Variants in DROSHA observed in about 807,000 individuals in gnomAD.
DROSHA encodes the protein drosha ribonuclease III.
A neutral mutation model predicts 181.9 loss-of-function variants in DROSHA; 56 were observed. The observed-to-expected ratio is 0.31, with a 90% CI of 0.25 to 0.38. DROSHA has a LOEUF of 0.38. Ranked by LOEUF, DROSHA falls within the 10% of genes least tolerant of loss-of-function variation. The pLI, the probability that DROSHA is intolerant of heterozygous loss-of-function variation, is 1.00. For missense variants in DROSHA, 1,218 were observed against 1,743.5 expected (o/e 0.70, Z 5.37); for synonymous variants, 524 against 591.2 (o/e 0.89, Z 1.65).
intron 5 of DROSHA, among the ~76,000 whole-genome samples, chr5:31,525,031 C>T (rs1334060587): frequency 1.3e-5 from 2 of 151,732 alleles, no homozygotes; most frequent in South Asian, 2.1e-4. Context: ...CCCGTCTCTA[C>T]TAAAAATACA....
intron 12 of DROSHA, among the ~76,000 whole-genome samples, 172 bp downstream of exon 12, chr5:31,495,114 T>A (rs974402915): frequency 1.3e-5 from 2 of 152,124 alleles, no homozygotes; most frequent in Non-Finnish European, 2.9e-5. Flanking sequence ...AGCAGTATAG[T>A]GAAGAGGAAG....
intron 5 of DROSHA, among the ~76,000 whole-genome samples, chr5:31,525,785 T>A (rs1740471532): frequency 6.6e-6 from 1 of 152,204 alleles, no homozygotes; most frequent in South Asian, 2.1e-4. Context: ...AGATCTTTCA[T>A]CTCATGGGAT....
intron 16 of DROSHA, among the ~76,000 whole-genome samples, chr5:31,472,763 A>C (rs1057328036): frequency 6.6e-6 from 1 of 152,230 alleles, no homozygotes; most frequent in Non-Finnish European, 1.5e-5. Context: ...TGATGAACAG[A>C]GCTAAAGAGC....
rs750629398 is a variant in DROSHA at position 31,495,388 on chromosome 5, C to T, written c.1669-16G>A. 1.2e-5 allele frequency: 20 copies of T among 1,608,698 alleles called. No individual in the cohort carries two copies. The highest frequency in any genetic ancestry group is 1.1e-4 in the East Asian group (5 of 44,832). Reference sequence around the variant, plus strand: ...GCTTGATGGCCTGAGGGGAAAAAAACGAAAATCAGTTTACAAGTAAAGCAA... The same window carrying T: ...GCTTGATGGCCTGAGGGGAAAAAAATGAAAATCAGTTTACAAGTAAAGCAA... On this transcript the variant is annotated splice_polypyrimidine_tract_variant and intron_variant, in intron 11 of 35. Transcript: ENST00000344624.
chr5:31,456,626 AAC>A (rs1747702638), intron 20 of DROSHA, among the ~76,000 whole-genome samples: 1 of 152,164 alleles, frequency 6.6e-6, no homozygotes, highest in South Asian at 2.1e-4. Flanking sequence ...AAGAGGAAAA[AAC>A]AAAGCCAATA....
intron 20 of DROSHA, among the ~76,000 whole-genome samples, chr5:31,459,822 T>C (rs779826150): frequency 2.6e-5 from 4 of 152,144 alleles, no homozygotes; most frequent in African/African-American, 9.7e-5. Flanking sequence ...CTCTGTCCAC[T>C]CAATACAAAT....
chr5:31,425,688 G>A (rs1460158079), intron 27 of DROSHA, among the ~76,000 whole-genome samples: 2 of 151,932 alleles, frequency 1.3e-5, no homozygotes, highest in African/African-American at 4.8e-5. Flanking sequence ...ATAGCACATG[G>A]GCACCTATTA....
chr5:31,405,067 T>C (rs2149983495), intron 35 of DROSHA, among the ~76,000 whole-genome samples: 1 of 152,106 alleles, frequency 6.6e-6, no homozygotes, highest in Non-Finnish European at 1.5e-5. Context: ...AATAGAGAAA[T>C]GTATGAAAGA....
intron 11 of DROSHA, among the ~76,000 whole-genome samples, chr5:31,503,054 G>C (rs1737487622): frequency 6.6e-6 from 1 of 152,056 alleles, no homozygotes; most frequent in East Asian, 1.9e-4. Flanking sequence ...AGCATGACGA[G>C]CTCTATCTCA....
rs749266077 is a variant in DROSHA, at chr5:31,413,589, G to A, written c.3526-2702C>T. Among the ~76,000 whole-genome samples the A allele has an allele frequency of 9.2e-5, 14 of 152,224 alleles. 1 individual carries two copies. The highest frequency in any genetic ancestry group is 2.6e-4 in the Admixed American group (4 of 15,284). On this transcript the variant is annotated intron_variant, in intron 30 of 35. Transcript: ENST00000344624. Reference sequence around the variant, plus strand: ...GCAGACCAATTACATGCCAGGCCCCGTGCTGACAGCTGAAGATCCTGAGAG... The same window carrying A: ...GCAGACCAATTACATGCCAGGCCCCATGCTGACAGCTGAAGATCCTGAGAG...
intron 26 of DROSHA, 130 bp downstream of exon 26, chr5:31,431,446 G>A (rs1744176130): frequency 1.5e-6 from 1 of 681,112 alleles, no homozygotes; most frequent in South Asian, 2.0e-5. Context: ...GGTGGTAGGT[G>A]TCGTCCTAGG....
chr5:31,488,245 C>T (rs537971871), intron 13 of DROSHA, among the ~76,000 whole-genome samples: 5 of 151,750 alleles, frequency 3.3e-5, no homozygotes, highest in African/African-American at 1.2e-4. Context: ...GGTGAAACCC[C>T]GTCTCTACTA....
At chr5:31,513,663 A>G (rs1419904746) in intron 8 of DROSHA, among the ~76,000 whole-genome samples, 1 of 152,182 alleles carries the variant, frequency 6.6e-6, no homozygotes, top group East Asian at 1.9e-4. Context: ...CAAGCTCCCC[A>G]CAGATACGAG....
chr5:31,488,210 A>G (rs570251690), intron 13 of DROSHA, among the ~76,000 whole-genome samples: 2 of 152,168 alleles, frequency 1.3e-5, no homozygotes, highest in South Asian at 4.2e-4. Flanking sequence ...TGAGTTCAGG[A>G]GTTCAAGAAC....
At position 31,530,930 on chromosome 5, in the gene DROSHA, C is replaced by A; in HGVS notation, c.-173-6G>T. ...ACATCCCCGGGAAAAGCAACCTACA[C>A]ACAGTAGGTGGTCAATAAATGTTTA... On this transcript the variant is annotated splice_polypyrimidine_tract_variant and splice_region_variant and intron_variant, in intron 2 of 35. Coordinates refer to ENST00000344624, the MANE Select transcript of DROSHA (RefSeq NM_001382508.1). The A allele has an allele frequency of 2.5e-6, 1 of 398,502 alleles. No homozygotes were observed. Among genetic ancestry groups the A allele is most frequent in the Non-Finnish European group, 4.4e-6 (1 of 226,012 alleles). The allele number at this position is 398,502 out of a possible 1,614,324, so 24.7% of individuals were successfully genotyped here. A position where few individuals can be genotyped will look rare whatever the true frequency, so the allele number is the denominator to read the frequency against.
intron 25 of DROSHA, among the ~76,000 whole-genome samples, chr5:31,433,922 A>C (rs547504252): frequency 3.9e-5 from 6 of 152,206 alleles, no homozygotes; most frequent in Non-Finnish European, 8.8e-5. Context: ...ATTAGTCTGG[A>C]AGGTGACCTA....
chr5:31,483,447 A>T, intron 16 of DROSHA, 107 bp downstream of exon 16: 1 of 1,016,814 alleles, frequency 9.8e-7, no homozygotes, highest in Non-Finnish European at 1.5e-6. Flanking sequence ...GTAGATAATT[A>T]ACAGTATCGA....
At chr5:31,499,227 G>A (rs772752628) in intron 11 of DROSHA, among the ~76,000 whole-genome samples, 5 of 152,204 alleles carry the variant, frequency 3.3e-5, no homozygotes, top group Non-Finnish European at 5.9e-5. Context: ...CTCACTCACA[G>A]TTCAGCCAAT....
At chr5:31,498,614 T>C (rs575372735) in intron 11 of DROSHA, among the ~76,000 whole-genome samples, 43 of 152,072 alleles carry the variant, frequency 2.8e-4, no homozygotes, top group African/African-American at 9.4e-4. Flanking sequence ...TCCCAGCACT[T>C]TGGGAGGCCA....
Sources: gnomAD v4.1 joint callset for allele counts (sites outside exome capture counted in the v4.1 genomes callset) on GRCh38, gnomAD v4.1.1 for gene constraint, MANE v1.5 for transcripts, NCBI Gene and HGNC (gene_info 2026-07-23, HGNC 2026-07-21) for gene names.